CP: variants seen among roughly 807,000 people sequenced by gnomAD.
CP encodes the protein ceruloplasmin, also known as caeruloplasmin.
In CP, 64 loss-of-function variants were observed where a neutral mutation model predicts 122.4. The ratio of observed to expected loss-of-function variants is 0.52; its 90% confidence interval spans 0.43 to 0.64. The LOEUF (loss-of-function observed/expected upper bound fraction) is 0.64. CP is among the 30% of genes least tolerant of loss of function. The pLI is 0.00. For synonymous variants in CP, 440 were observed against 436.4 expected, an observed-to-expected ratio of 1.01 and a Z score of -0.10; for missense variants, 1,167 against 1,284.4, an observed-to-expected ratio of 0.91 and a Z score of 1.40.
chr3:149,198,295 G>A (rs1727033701), intron 9 of CP, 72 bp downstream of exon 9: 5 of 1,198,342 alleles, frequency 4.2e-6, no homozygotes, highest in Non-Finnish European at 6.2e-6. Flanking sequence ...GATGAGGTTA[G>A]ATATTTCTAT....
In CP at chr3:149,203,187, G is replaced by A. The variant is rs139228126; in HGVS notation, c.1209-946C>T. On this transcript the variant is annotated intron_variant, in intron 6 of 18. Coordinates refer to ENST00000264613, the MANE Select transcript of CP (RefSeq NM_000096.4). ...TTTGCAAAGTACTGAGATTACAGGCGTAAGCCACTGCGCCCGGCCCCAGTG... is the reference window on the plus strand; with the variant it reads ...TTTGCAAAGTACTGAGATTACAGGCATAAGCCACTGCGCCCGGCCCCAGTG... 5.5e-3 allele frequency among the ~76,000 whole-genome samples: 833 copies of A among 152,274 alleles called. 4 individuals are homozygous for A. The highest frequency in any genetic ancestry group is 0.019 in the African/African-American group (793 of 41,556).
At chr3:149,165,061 C>T (rs1724272775) in intron 5 of CP, among the ~76,000 whole-genome samples, 1 of 152,112 alleles carries the variant, frequency 6.6e-6, no homozygotes, top group Non-Finnish European at 1.5e-5. Flanking sequence ...TATTTATGTG[C>T]TTCTTTAAAA....
chr3:149,198,232 T>A (rs1727027675), intron 9 of CP, 135 bp downstream of exon 9: 1 of 671,468 alleles, frequency 1.5e-6, no homozygotes, highest in Admixed American at 2.8e-5. Context: ...TGGGCATTTT[T>A]AAAGAAGTCC....
chr3:149,214,090 G>A (rs1001493558), intron 1 of CP, among the ~76,000 whole-genome samples: 7 of 152,184 alleles, frequency 4.6e-5, no homozygotes, highest in Non-Finnish European at 8.8e-5. Flanking sequence ...GGGGCCCTGG[G>A]TAACCTGTGT....
intron 2 of CP, among the ~76,000 whole-genome samples, chr3:149,212,066 G>T (rs1166606793): frequency 1.3e-5 from 2 of 152,010 alleles, no homozygotes; most frequent in African/African-American, 4.8e-5. Flanking sequence ...GGCTGAGGCG[G>T]GCAGATCAGG....
chr3:149,205,880 C>T (rs1331561039), intron 6 of CP, among the ~76,000 whole-genome samples: 2 of 152,122 alleles, frequency 1.3e-5, no homozygotes, highest in African/African-American at 2.4e-5. Flanking sequence ...TACAGTGCCA[C>T]GTTTTCTGAA....
At chr3:149,189,581 GA>G (rs1313942778) in intron 9 of CP, among the ~76,000 whole-genome samples, 2 of 149,592 alleles carry the variant, frequency 1.3e-5, no homozygotes, top group Non-Finnish European at 3.0e-5. Flanking sequence ...GTTATGAAAC[GA>G]AAAAATCAGG....
rs1725535867 is a variant in CP at position 149,178,091 on chromosome 3, G to A, written c.2879-112C>T. 13 of 1,012,524 alleles carry A rather than the reference G, an allele frequency of 1.3e-5. No homozygotes were observed. The East Asian group carries it at 3.0e-4, about 23-fold the overall frequency. 62.7% of individuals were successfully genotyped at this position (1,012,524 alleles called of 1,614,324 possible). ...GTAAAGAATCTTTTTGATGTAATAG[G>A]ACTTATTTTACTACAAATGAGAGAA... On this transcript the variant is annotated intron_variant, in intron 16 of 18. Transcript: ENST00000264613.
intron 17 of CP, 34 bp downstream of exon 17, chr3:149,177,806 C>T (rs1173097443): frequency 6.2e-7 from 1 of 1,609,024 alleles, no homozygotes. Context: ...CATTTTCAAA[C>T]AGAGCAAGAG....
At chr3:149,186,432 G>A in intron 11 of CP, 88 bp downstream of exon 11, 1 of 1,285,782 alleles carries the variant, frequency 7.8e-7, no homozygotes, top group South Asian at 1.2e-5. Flanking sequence ...GAAGGGATAA[G>A]TTTATCACCC....
intron 5 of CP, among the ~76,000 whole-genome samples, 173 bp from the exon 6 acceptor site, chr3:149,206,512 G>C (rs141704553): frequency 9.2e-4 from 140 of 152,280 alleles, no homozygotes; most frequent in Admixed American, 2.0e-3. Context: ...GAAAACTCAA[G>C]TTTAAAACAG....
chr3:149,172,324 A>ACG, downstream of CP: 1 of 643,420 alleles, frequency 1.6e-6, no homozygotes, highest in South Asian at 1.7e-5. Flanking sequence ...TATATCACAC[A>ACG]CACACACACA....
Position 149,209,214 on chromosome 3 carries a change from A to G in CP, c.778T>C (p.Tyr260His). The G allele has an allele frequency of 1.2e-6, 2 of 1,613,722 alleles. No homozygotes were observed. The highest frequency in any genetic ancestry group is 1.7e-6 in the Non-Finnish European group (2 of 1,179,678). Residue 260 changes from tyrosine (Y) to histidine (H), a missense_variant, in exon 4 of 19, where the codon TAT becomes CAT. Tyr to His is a moderately conservative substitution (Grantham distance 83). This residue lies in a region of CP where 642 missense variants were observed against 627.3 expected (regional missense o/e 1.02). Coordinates refer to ENST00000264613, the MANE Select transcript of CP (RefSeq NM_000096.4). ...NEDFQESNRM[Y>H]SVNGYTFGSL... ...AACATGTCTGCTGTAATCTTACAAT[A>G]CATTCTGTTACTCTCCTGGAAGTCT...
At position 149,202,179 on chromosome 3, in the gene CP, A is replaced by G. The variant is rs566563754; in HGVS notation, c.1271T>C (p.Val424Ala). Residue 424 changes from valine to alanine, a missense_variant, in exon 7 of 19, where the codon GTT (valine) becomes GCT (alanine). By Grantham distance (64) the Val-to-Ala change is moderately conservative. Around this residue, in one of 2 missense-constraint regions of CP, gnomAD observed 642 missense variants for 627.3 expected, o/e 1.02. Transcript: ENST00000264613. ...GGAGGCATCTGTGTACTCACGATAA[A>G]CCAGCTTTTTATAAGAGCCTCCAAT... The part of the protein sequence containing the change: ...TRIGGSYKKL[V>A]YREYTDASFT... 6 of 1,614,116 alleles carry G rather than the reference A, an allele frequency of 3.7e-6. No individual in the cohort carries two copies. The highest frequency in any genetic ancestry group is 5.1e-6 in the Non-Finnish European group (6 of 1,180,004).
chr3:149,192,762 TTGAC>T (rs747002787), intron 9 of CP, among the ~76,000 whole-genome samples: 4 of 151,894 alleles, frequency 2.6e-5, no homozygotes, highest in East Asian at 1.9e-4. Flanking sequence ...CACCAAGAAA[TTGAC>T]TGAAGAAGTA....
rs566690404 is a variant in CP, at chr3:149,204,034, A to G, written c.1209-1793T>C. On this transcript the variant is annotated intron_variant, in intron 6 of 18. Transcript: ENST00000264613. ...TAGGGCAGGTGTATACAAAGAGGAA[A>G]CTGCTTATGAGCAGGCTTAGAGAAA... 1.1e-4 allele frequency among the ~76,000 whole-genome samples: 17 copies of G among 152,254 alleles called. No homozygotes were observed. The South Asian group carries it at 3.3e-3, about 30-fold the overall frequency.
In CP at chr3:149,185,222, A is replaced by G; in HGVS notation, c.2285+17T>C. On this transcript the variant is annotated intron_variant, in intron 12 of 18. Coordinates refer to ENST00000264613, the MANE Select transcript of CP (RefSeq NM_000096.4). ...AAAATTACTGCTGAAATTGGGAATCAGAGTCTGGAGAATTACTTCTGCTCT... is the reference window on the plus strand; with the variant it reads ...AAAATTACTGCTGAAATTGGGAATCGGAGTCTGGAGAATTACTTCTGCTCT... 1.2e-6 allele frequency: 2 copies of G among 1,610,970 alleles called. No homozygotes were observed. The highest frequency in any genetic ancestry group is 1.7e-6 in the Non-Finnish European group (2 of 1,178,960).
At chr3:149,171,379 G>A (rs1178390790), downstream of CP, among the ~76,000 whole-genome samples, 3 of 152,166 alleles carry the variant, frequency 2.0e-5, no homozygotes, top group Non-Finnish European at 4.4e-5. Context: ...AACATGAAAT[G>A]TTACGTTAGG....
intron 15 of CP, 79 bp downstream of exon 15, chr3:149,179,477 A>G: frequency 9.1e-7 from 1 of 1,100,682 alleles, no homozygotes. Flanking sequence ...ATTGGACCAC[A>G]GGAAAACACT....
Sources: allele counts gnomAD v4.1 joint callset (sites outside exome capture counted in the v4.1 genomes callset), GRCh38; gene constraint gnomAD v4.1.1; regional missense constraint gnomAD v4.1.1; transcripts MANE v1.5; gene names NCBI Gene and HGNC (gene_info 2026-07-23, HGNC 2026-07-21).